Variants in FMNL2 observed in about 807,000 individuals in gnomAD.
FMNL2 encodes the protein formin-like protein 2.
Under a neutral mutation model 130.2 loss-of-function variants are expected in FMNL2, and 51 were observed. That is an observed-to-expected ratio of 0.39 (90% CI 0.31 to 0.49). FMNL2 has a LOEUF of 0.49. Among genes scored for constraint, FMNL2 ranks in the 20% least tolerant of loss-of-function variants. The probability of loss-of-function intolerance (pLI) is 0.85; values close to 1 mark genes in which losing one functional copy is unlikely to be tolerated. For synonymous variants in FMNL2, 465 were observed against 467.1 expected (o/e 1.00, Z 0.06); for missense variants, 977 against 1,316.2 (o/e 0.74, Z 3.99).
At chr2:152,473,370 TTA>T in intron 1 of FMNL2, among the ~76,000 whole-genome samples, 1 of 152,278 alleles carries the variant, frequency 6.6e-6, no homozygotes, top group South Asian at 2.1e-4. Context: ...TACCTGGCTT[TTA>T]TATGTTTGTT....
At position 152,561,016 on chromosome 2, in the gene FMNL2, G is replaced by A; in HGVS notation, c.577G>A (p.Gly193Arg). The A allele has an allele frequency of 5.0e-6, 8 of 1,601,114 alleles. No individual in the cohort carries two copies. Among genetic ancestry groups the A allele is most frequent in the Non-Finnish European group, 6.0e-6 (7 of 1,173,584 alleles). ...TGTGGGCAACAGTGTCTCCCGCTCTGGAAGACATTCTGCACTGCGGTGAGT... is the reference window on the plus strand; with the variant it reads ...TGTGGGCAACAGTGTCTCCCGCTCTAGAAGACATTCTGCACTGCGGTGAGT... ...SPVGNSVSRSGRHSALRYNTL... is the reference protein window; with the variant it reads ...SPVGNSVSRSRRHSALRYNTL... The change falls in exon 6 of 26, where the codon GGA becomes AGA. Residue 193 changes from glycine to arginine, a missense_variant. Physicochemically the swap from Gly to Arg is moderately radical, Grantham distance 125 (BLOSUM62 -2). This residue lies in a region of FMNL2 where 689 missense variants were observed against 995.9 expected (regional missense o/e 0.69). Transcript: ENST00000288670.
chr2:152,390,658 C>T, intron 1 of FMNL2: 1 of 805,554 alleles, frequency 1.2e-6, no homozygotes, highest in South Asian at 1.3e-5. Context: ...CCTCCCTGAA[C>T]TCTTGGGGCT....
At chr2:152,378,618 C>T (rs1684298716) in intron 1 of FMNL2, among the ~76,000 whole-genome samples, 1 of 152,126 alleles carries the variant, frequency 6.6e-6, no homozygotes, top group African/African-American at 2.4e-5. Flanking sequence ...TGCTTTCTTA[C>T]TTATTAAGCA....
chr2:152,399,489 G>A (rs1685571451), intron 1 of FMNL2, among the ~76,000 whole-genome samples: 1 of 152,178 alleles, frequency 6.6e-6, no homozygotes, highest in African/African-American at 2.4e-5. Flanking sequence ...AAAAGCCTGG[G>A]TGGGGAACCT....
chr2:152,621,517 C>G (rs2105903078), intron 15 of FMNL2, among the ~76,000 whole-genome samples: 1 of 152,190 alleles, frequency 6.6e-6, no homozygotes, highest in Non-Finnish European at 1.5e-5. Flanking sequence ...GTTTGCTATA[C>G]TTGGAAGTGG....
At position 152,389,922 on chromosome 2, in the gene FMNL2, G is replaced by T. The variant is rs1276032359; in HGVS notation, c.117+54202G>T. The T allele has an allele frequency of 2.8e-6, 3 of 1,054,424 alleles. No individual in the cohort carries two copies. In the South Asian group the frequency reaches 4.0e-5, roughly 14 times the overall value. 65.3% of individuals were successfully genotyped at this position (1,054,424 alleles called of 1,614,324 possible). A position where few individuals can be genotyped will look rare whatever the true frequency, so the allele number is the denominator to read the frequency against. On this transcript the variant is annotated intron_variant, in intron 1 of 25. Transcript: ENST00000288670. Reference sequence around the variant, plus strand: ...GAACCCGGGAGAAGGTGGAGCGGGTGGCCGGGCTGGCCAAGGAAGCCAAGT... The same window carrying T: ...GAACCCGGGAGAAGGTGGAGCGGGTTGCCGGGCTGGCCAAGGAAGCCAAGT...
intron 1 of FMNL2, among the ~76,000 whole-genome samples, chr2:152,353,203 ATTAAAG>A (rs1254111141): frequency 6.6e-6 from 1 of 152,212 alleles, no homozygotes; most frequent in Non-Finnish European, 1.5e-5. Flanking sequence ...AGAAGGACAT[ATTAAAG>A]TTGAAGTTTC....
At chr2:152,615,100 T>A in intron 12 of FMNL2, 100 bp downstream of exon 12, 1 of 1,347,902 alleles carries the variant, frequency 7.4e-7, no homozygotes, top group Non-Finnish European at 1.0e-6. Flanking sequence ...GGATTTGGAG[T>A]ATAGGAATAG....
rs528501777 is a variant in FMNL2, at chr2:152,604,601, CTGTT to C, written c.877-2736_877-2733del. Among the ~76,000 whole-genome samples, 47 of 151,476 alleles carry C rather than the reference CTGTT, an allele frequency of 3.1e-4. 1 individual carries two copies. The South Asian group carries it at 6.4e-3, about 21-fold the overall frequency. On this transcript the variant is annotated intron_variant, in intron 9 of 25. Coordinates refer to ENST00000288670, the MANE Select transcript of FMNL2 (RefSeq NM_052905.4). ...TCACCCACAACAAGACCAAAGTACACTGTTTTTTTTTTGAGACAGAGTCTCACTT... is the reference window on the plus strand; with the variant it reads ...TCACCCACAACAAGACCAAAGTACACTTTTTTTTGAGACAGAGTCTCACTT...
intron 1 of FMNL2, among the ~76,000 whole-genome samples, chr2:152,430,050 A>G (rs753377791): frequency 1.3e-5 from 2 of 152,234 alleles, no homozygotes; most frequent in Non-Finnish European, 2.9e-5. Context: ...CCTGAACTTA[A>G]AAACAAAAAA....
At chr2:152,636,122 T>C (rs1490290463) in intron 21 of FMNL2, among the ~76,000 whole-genome samples, 1 of 152,216 alleles carries the variant, frequency 6.6e-6, no homozygotes, top group East Asian at 1.9e-4. Flanking sequence ...CCACATTTGT[T>C]ACCTGAACTC....
chr2:152,633,131 T>C lies in FMNL2; in HGVS notation c.2680+994T>C, dbSNP rs536934319. On this transcript the variant is annotated intron_variant, in intron 21 of 25. Coordinates refer to ENST00000288670, the MANE Select transcript of FMNL2 (RefSeq NM_052905.4). ...TTTTTTTTTAGACAGGGTCTTGCTC[T>C]GTGGCCCATGCTACAGTGCAGTGAC... 2.6e-5 allele frequency among the ~76,000 whole-genome samples: 4 copies of C among 152,042 alleles called. No homozygotes were observed. The South Asian group carries it at 8.3e-4, about 32-fold the overall frequency.
intron 2 of FMNL2, among the ~76,000 whole-genome samples, chr2:152,537,221 CCT>C (rs1694039375): frequency 6.6e-6 from 1 of 152,176 alleles, no homozygotes; most frequent in Non-Finnish European, 1.5e-5. Flanking sequence ...TTACTACACC[CCT>C]GTCACAGCCC....
At chr2:152,593,357 A>G (rs543137644) in intron 9 of FMNL2, among the ~76,000 whole-genome samples, 2,754 of 152,304 alleles carry the variant, frequency 0.018, 89 homozygotes, top group African/African-American at 0.06. Context: ...AAAATGCTAT[A>G]TATATATATT....
At chr2:152,390,175 C>T (rs1457360531) in intron 1 of FMNL2, 11 of 1,295,484 alleles carry the variant, frequency 8.5e-6, no homozygotes, top group South Asian at 2.4e-5. Flanking sequence ...CAGAGCCTGT[C>T]GGAGCTGGAC....
At chr2:152,498,914 C>A (rs1386729481) in intron 1 of FMNL2, among the ~76,000 whole-genome samples, 1 of 152,166 alleles carries the variant, frequency 6.6e-6, no homozygotes, top group Non-Finnish European at 1.5e-5. Flanking sequence ...AGTCCCCCTT[C>A]AACTTAATTA....
intron 6 of FMNL2, among the ~76,000 whole-genome samples, chr2:152,564,973 A>G (rs780578837): frequency 1.2e-4 from 18 of 152,018 alleles, no homozygotes; most frequent in African/African-American, 2.4e-4. Flanking sequence ...AACTGTTGCT[A>G]TTGATGCAGT....
intron 1 of FMNL2, among the ~76,000 whole-genome samples, chr2:152,474,041 A>AT (rs987846208): frequency 2.6e-5 from 4 of 151,912 alleles, no homozygotes; most frequent in East Asian, 1.9e-4. Flanking sequence ...CACCCAGCTA[A>AT]TTTTTTTGTA....
Position 152,647,832 on chromosome 2 carries a change from TGAG to T in FMNL2, c.3210_3212del (p.Arg1071del), listed in dbSNP as rs747893338. ...CAACCATACAGACGAGCCGATGCGG[TGAG>T]GAGAAGCGTCAGGCGGCGCTTTGAT... On this transcript the variant is annotated inframe_deletion, in exon 26 of 26. Coordinates refer to ENST00000288670, the MANE Select transcript of FMNL2 (RefSeq NM_052905.4). The T allele has an allele frequency of 2.5e-5, 40 of 1,613,682 alleles. No homozygotes were observed. The highest frequency in any genetic ancestry group is 3.2e-5 in the Non-Finnish European group (38 of 1,179,838).
Sources: gnomAD v4.1 joint callset for allele counts (sites outside exome capture counted in the v4.1 genomes callset) on GRCh38, gnomAD v4.1.1 for gene constraint, gnomAD v4.1.1 regional missense constraint, MANE v1.5 for transcripts, NCBI Gene and HGNC (gene_info 2026-07-23, HGNC 2026-07-21) for gene names.